QRFPR: variants seen among roughly 807,000 people sequenced by gnomAD.
The protein encoded by QRFPR is pyroglutamylated RFamide peptide receptor.
QRFPR carries 37 observed loss-of-function variants against 31.3 expected under a neutral mutation model. The ratio of observed to expected loss-of-function variants is 1.18; its 90% CI spans 0.91 to 1.56. The LOEUF (loss-of-function observed/expected upper bound fraction) is 1.56. QRFPR is among the 40% of genes most tolerant of loss of function. The pLI is 0.00. For missense variants in QRFPR, 542 were observed against 532.5 expected, an observed-to-expected ratio of 1.02 and a Z score of -0.18; for synonymous variants, 197 against 192.0, an observed-to-expected ratio of 1.03 and a Z score of -0.22.
At chr4:121,380,227 G>GAGAGAGAGAGAA in intron 1 of QRFPR, 81 bp downstream of exon 1, 1 of 950,274 alleles carries the variant, frequency 1.1e-6, no homozygotes, top group Non-Finnish European at 1.6e-6. Flanking sequence ...GAGAGAGAGA[G>GAGAGAGAGAGAA]AGAGAGAGAG....
At chr4:121,361,556 A>T (rs1314769138) in intron 1 of QRFPR, among the ~76,000 whole-genome samples, 1 of 150,096 alleles carries the variant, frequency 6.7e-6, no homozygotes, top group African/African-American at 2.5e-5. Context: ...TAGGTCTCAA[A>T]CTTTATTGAA....
intron 1 of QRFPR, among the ~76,000 whole-genome samples, chr4:121,375,800 A>T (rs1228822447): frequency 6.6e-6 from 1 of 152,226 alleles, no homozygotes; most frequent in East Asian, 1.9e-4. Context: ...AAATACAGAG[A>T]TAGGGACATA....
intron 1 of QRFPR, among the ~76,000 whole-genome samples, chr4:121,347,654 A>C (rs1725681019): frequency 6.6e-6 from 1 of 152,090 alleles, no homozygotes; most frequent in Non-Finnish European, 1.5e-5. Context: ...TTGTGAGATG[A>C]TACCTCATCT....
At chr4:121,370,677 T>C (rs1726223067) in intron 1 of QRFPR, among the ~76,000 whole-genome samples, 1 of 152,194 alleles carries the variant, frequency 6.6e-6, no homozygotes, top group Non-Finnish European at 1.5e-5. Context: ...TTTACAGATT[T>C]TAAATGCATC....
intron 1 of QRFPR, among the ~76,000 whole-genome samples, chr4:121,349,952 A>G (rs1019843808): frequency 4.6e-5 from 7 of 152,240 alleles, no homozygotes. Context: ...CAATGAAAAT[A>G]GGGCAATCAC....
In QRFPR at chr4:121,351,795, A is replaced by G. The variant is rs539644959; in HGVS notation, c.341-11185T>C. ...TTAGGAGTACTTATGTAATTTATGTACTCAGTTGTTCACCAAAGATACAAC... is the reference window on the plus strand; with the variant it reads ...TTAGGAGTACTTATGTAATTTATGTGCTCAGTTGTTCACCAAAGATACAAC... On this transcript the variant is annotated intron_variant, in intron 1 of 5. Transcript: ENST00000394427. 1.4e-4 allele frequency among the ~76,000 whole-genome samples: 21 copies of G among 152,038 alleles called. No individual in the cohort carries two copies. The East Asian group carries it at 3.1e-3, about 22-fold the overall frequency.
chr4:121,375,080 A>C (rs951275381), intron 1 of QRFPR, among the ~76,000 whole-genome samples: 1 of 152,096 alleles, frequency 6.6e-6, no homozygotes, highest in Non-Finnish European at 1.5e-5. Context: ...AACACTCCCC[A>C]TTTCATCTTC....
In QRFPR at chr4:121,332,880, T is replaced by A; in HGVS notation, c.738A>T (p.Arg246Ser). 1 of 1,614,118 alleles carries A rather than the reference T, an allele frequency of 6.2e-7. No homozygotes were observed. Among genetic ancestry groups the A allele is most frequent in the Non-Finnish European group, 8.5e-7 (1 of 1,179,996 alleles). ...TTCGAAGCACTGAACCATCCCCAAC[T>A]CTTTTCTTTATCCAAAGTTCATAAC... ...KIGYELWIKK[R>S]VGDGSVLRTI... The change falls in exon 4 of 6, where the codon AGA (arginine) becomes AGT (serine). Residue 246 changes from arginine to serine, a missense_variant. By Grantham distance (110) the Arg-to-Ser change is moderately radical. Coordinates refer to ENST00000394427, the MANE Select transcript of QRFPR (RefSeq NM_198179.3).
chr4:121,329,376 GTTTGAGCTT>G lies in QRFPR; in HGVS notation c.1225_1233del (p.Lys409_Lys411del), dbSNP rs766207930. On this transcript the variant is annotated inframe_deletion, in exon 6 of 6. Coordinates refer to ENST00000394427, the MANE Select transcript of QRFPR (RefSeq NM_198179.3). ...TCAGACCTAAAGAGAGCAAGATGTC[GTTTGAGCTT>G]TTTCTTCTCCTCTGTCTGTTCACAC... 6.2e-7 allele frequency: 1 copy of G among 1,614,040 alleles called. No individual in the cohort carries two copies. The highest frequency in any genetic ancestry group is 8.5e-7 in the Non-Finnish European group (1 of 1,179,926).
chr4:121,380,200 A>AGAGG (rs1560749207), intron 1 of QRFPR, 108 bp downstream of exon 1: 60 of 169,920 alleles, frequency 3.5e-4, no homozygotes, highest in Non-Finnish European at 5.2e-4. Context: ...AGAGAGAGAG[A>AGAGG]GAGAGAGAGA....
intron 2 of QRFPR, 136 bp from the exon 3 acceptor site, chr4:121,337,004 G>A (rs1425087630): frequency 3.9e-6 from 3 of 763,190 alleles, no homozygotes; most frequent in African/African-American, 1.7e-5. Context: ...TCTCCCCCAA[G>A]TTTCATGCTT....
intron 1 of QRFPR, among the ~76,000 whole-genome samples, chr4:121,357,353 G>A (rs561746319): frequency 5.3e-5 from 8 of 152,214 alleles, no homozygotes; most frequent in South Asian, 4.1e-4. Context: ...AGTCAAGAAC[G>A]TAGGGGGTGG....
chr4:121,347,206 A>G (rs1042809109), intron 1 of QRFPR, among the ~76,000 whole-genome samples: 4 of 152,152 alleles, frequency 2.6e-5, no homozygotes, highest in African/African-American at 9.7e-5. Flanking sequence ...TATTTCTTAC[A>G]TTAAAAAATG....
chr4:121,349,400 A>G (rs534543172), intron 1 of QRFPR, among the ~76,000 whole-genome samples: 45 of 152,314 alleles, frequency 3.0e-4, no homozygotes, highest in African/African-American at 1.0e-3. Flanking sequence ...AGATATAGAT[A>G]TAGATACAGA....
chr4:121,369,051 C>T (rs552228252), intron 1 of QRFPR, among the ~76,000 whole-genome samples: 6 of 152,234 alleles, frequency 3.9e-5, no homozygotes, highest in East Asian at 1.9e-4. Flanking sequence ...TATTTAGAGA[C>T]GGAGTCTCAC....
At chr4:121,377,218 A>G (rs908140231) in intron 1 of QRFPR, among the ~76,000 whole-genome samples, 1 of 152,142 alleles carries the variant, frequency 6.6e-6, no homozygotes, top group Non-Finnish European at 1.5e-5. Flanking sequence ...AAGAACAACA[A>G]CAAAAGAAGA....
intron 2 of QRFPR, 104 bp downstream of exon 2, chr4:121,340,348 T>C (rs1288586663): frequency 1.6e-6 from 2 of 1,252,676 alleles, no homozygotes; most frequent in Non-Finnish European, 2.3e-6. Context: ...TTCCAATGCC[T>C]ACAAGTTAGA....
intron 1 of QRFPR, among the ~76,000 whole-genome samples, chr4:121,359,897 CT>C (rs1055622878): frequency 1.3e-5 from 2 of 151,740 alleles, no homozygotes; most frequent in African/African-American, 4.8e-5. Context: ...CATTTTCCTT[CT>C]TTTCTATATC....
chr4:121,349,797 T>G (rs948832950), intron 1 of QRFPR, among the ~76,000 whole-genome samples: 11 of 152,278 alleles, frequency 7.2e-5, no homozygotes, highest in African/African-American at 2.6e-4. Context: ...ATTAGAATGG[T>G]TATCAAATTG....
Sources: gnomAD v4.1 joint callset for allele counts (sites outside exome capture counted in the v4.1 genomes callset) on GRCh38, gnomAD v4.1.1 for gene constraint, MANE v1.5 for transcripts, NCBI Gene and HGNC (gene_info 2026-07-23, HGNC 2026-07-21) for gene names.